Variants in KATNAL1 observed in about 807,000 individuals in gnomAD.
KATNAL1 encodes katanin p60 ATPase-containing subunit A-like 1.
KATNAL1 carries 32 observed loss-of-function variants against 55.2 expected under a neutral mutation model. The ratio of observed to expected loss-of-function variants is 0.58; its 90% CI spans 0.44 to 0.78. The LOEUF is 0.78. Ranked by LOEUF, KATNAL1 falls within the 30% of genes least tolerant of loss-of-function variation. KATNAL1 has a pLI of 0.00. For synonymous variants in KATNAL1, 193 were observed against 193.6 expected (o/e 1.00, Z 0.02); for missense variants, 466 against 600.9 (o/e 0.78, Z 2.35).
chr13:30,210,060 G>A (rs1000992027), intron 10 of KATNAL1, among the ~76,000 whole-genome samples: 1 of 152,084 alleles, frequency 6.6e-6, no homozygotes, highest in Non-Finnish European at 1.5e-5. Context: ...GGGATTAGAG[G>A]CGTAAGCCAC....
intron 6 of KATNAL1, among the ~76,000 whole-genome samples, chr13:30,238,832 G>C (rs555404461): frequency 1.3e-5 from 2 of 152,314 alleles, no homozygotes; most frequent in Non-Finnish European, 2.9e-5. Flanking sequence ...ATAAGTGCTT[G>C]ACGGATAAAG....
At chr13:30,227,578 T>G in intron 8 of KATNAL1, 32 bp from the exon 9 acceptor site, 1 of 1,587,700 alleles carries the variant, frequency 6.3e-7, no homozygotes, top group Non-Finnish European at 8.6e-7. Flanking sequence ...AAGATAGTGT[T>G]TTTCTTACAA....
intron 1 of KATNAL1, 86 bp from the exon 2 acceptor site, chr13:30,283,877 C>CTTTTT: frequency 1.4e-6 from 1 of 695,614 alleles, no homozygotes; most frequent in Non-Finnish European, 2.2e-6. Flanking sequence ...TTTAAAACTA[C>CTTTTT]TTTTTTTTTT....
chr13:30,299,470 GA>G (rs150417468), intron 1 of KATNAL1, among the ~76,000 whole-genome samples: 2,948 of 151,764 alleles, frequency 0.019, 95 homozygotes, highest in African/African-American at 0.067. Context: ...TTTTTCCTCT[GA>G]AAAAAAGAAA....
At chr13:30,209,307 G>A (rs912039252) in intron 10 of KATNAL1, among the ~76,000 whole-genome samples, 3 of 152,304 alleles carry the variant, frequency 2.0e-5, no homozygotes, top group South Asian at 4.1e-4. Flanking sequence ...TGAAGGTCTG[G>A]AAGAAAAGGA....
chr13:30,291,463 C>T lies in KATNAL1; in HGVS notation c.-14-7672G>A, dbSNP rs530288306. Reference sequence around the variant, plus strand: ...GTGTATGTGTTTATGAATAAAAACACTCAATATGCGTAAGATGTCAAATTA... The same window carrying T: ...GTGTATGTGTTTATGAATAAAAACATTCAATATGCGTAAGATGTCAAATTA... On this transcript the variant is annotated intron_variant, in intron 1 of 10. Transcript: ENST00000380615. Among the ~76,000 whole-genome samples, 10 of 152,248 alleles carry T rather than the reference C, an allele frequency of 6.6e-5. No homozygotes were observed. In the South Asian group the frequency reaches 1.9e-3, roughly 28 times the overall value.
intron 4 of KATNAL1, among the ~76,000 whole-genome samples, chr13:30,248,538 G>A (rs574356701): frequency 1.3e-5 from 2 of 152,304 alleles, no homozygotes; most frequent in East Asian, 3.9e-4. Context: ...ATGAACATAT[G>A]AAAAGGTTTT....
intron 1 of KATNAL1, among the ~76,000 whole-genome samples, chr13:30,297,768 G>A (rs1257105810): frequency 1.3e-5 from 2 of 152,158 alleles, no homozygotes; most frequent in Non-Finnish European, 2.9e-5. Flanking sequence ...TGCAGGAACA[G>A]AAAACCAAGT....
At chr13:30,248,680 T>C (rs6490448) in intron 4 of KATNAL1, among the ~76,000 whole-genome samples, 1,542 of 152,330 alleles carry the variant, frequency 0.01, 24 homozygotes, top group African/African-American at 0.034. Flanking sequence ...TTCCCAGCAC[T>C]TTGGGAGGCC....
At chr13:30,258,526 C>T (rs1017567574) in intron 3 of KATNAL1, among the ~76,000 whole-genome samples, 66 of 152,128 alleles carry the variant, frequency 4.3e-4, no homozygotes, top group Non-Finnish European at 1.5e-5. Flanking sequence ...TTTTACCTCT[C>T]TTAATGGTAT....
At chr13:30,232,487 AT>A (rs1265766004) in intron 6 of KATNAL1, among the ~76,000 whole-genome samples, 1 of 152,034 alleles carries the variant, frequency 6.6e-6, no homozygotes, top group South Asian at 2.1e-4. Flanking sequence ...TTACAAAAAT[AT>A]TTTTTTGCTT....
rs543780924 is a variant in KATNAL1, at chr13:30,304,532, T to G, written c.-15+2799A>C. The stretch of plus-strand genomic sequence containing the variant: ...ATCTGCCCGCCTCAGCCTTCCAAAG[T>G]GCTGGGATTACAGGCGCGAGCCACT... On this transcript the variant is annotated intron_variant, in intron 1 of 10. Transcript: ENST00000380615. Among the ~76,000 whole-genome samples the G allele has an allele frequency of 3.9e-5, 6 of 152,290 alleles. No homozygotes were observed. In the South Asian group the frequency reaches 1.2e-3, roughly 32 times the overall value.
rs375800636 is a variant in KATNAL1, at chr13:30,307,323, T to C, written c.-15+8A>G. On this transcript the variant is annotated splice_region_variant and intron_variant, in intron 1 of 10. Transcript: ENST00000380615. ...CTCGCCCTCGCCCCTTTCTCTCGGATTCATTACCCAGAAGGCGCAGGTCCG... is the reference window on the plus strand; with the variant it reads ...CTCGCCCTCGCCCCTTTCTCTCGGACTCATTACCCAGAAGGCGCAGGTCCG... The C allele has an allele frequency of 5.7e-4, 88 of 153,166 alleles. No individual in the cohort carries two copies. In the East Asian group the frequency reaches 0.015, roughly 26 times the overall value. The allele number at this position is 153,166 out of a possible 1,614,324, so 9.5% of individuals were successfully genotyped here.
intron 8 of KATNAL1, among the ~76,000 whole-genome samples, chr13:30,229,920 T>C (rs1875914963): frequency 6.7e-6 from 1 of 149,694 alleles, no homozygotes; most frequent in Non-Finnish European, 1.5e-5. Flanking sequence ...AAGTATGTTT[T>C]CCAAAATATT....
At chr13:30,259,514 C>T (rs1879077032) in intron 3 of KATNAL1, among the ~76,000 whole-genome samples, 2 of 152,134 alleles carry the variant, frequency 1.3e-5, no homozygotes, top group African/African-American at 2.4e-5. Context: ...AGTGGGTGTG[C>T]GCACCGTGCA....
At chr13:30,241,279 T>C (rs1877252806) in intron 4 of KATNAL1, among the ~76,000 whole-genome samples, 193 bp from the exon 5 acceptor site, 1 of 152,200 alleles carries the variant, frequency 6.6e-6, no homozygotes, top group Admixed American at 6.5e-5. Flanking sequence ...TCAACTTTAT[T>C]AAAAACTTCA....
chr13:30,298,057 T>C (rs1882631840), intron 1 of KATNAL1, among the ~76,000 whole-genome samples: 1 of 152,246 alleles, frequency 6.6e-6, no homozygotes, highest in South Asian at 2.1e-4. Flanking sequence ...TTGAGACATG[T>C]ACATTTTTTA....
intron 1 of KATNAL1, among the ~76,000 whole-genome samples, chr13:30,286,156 G>A (rs1021960761): frequency 6.6e-6 from 1 of 152,216 alleles, no homozygotes; most frequent in Non-Finnish European, 1.5e-5. Flanking sequence ...ATTTTCTGGG[G>A]AGAAATTCAA....
chr13:30,247,387 C>T (rs1188839941), intron 4 of KATNAL1, among the ~76,000 whole-genome samples: 2 of 152,144 alleles, frequency 1.3e-5, no homozygotes, highest in Non-Finnish European at 2.9e-5. Flanking sequence ...ATTATGAATC[C>T]ATATCATTCT....
Sources: allele counts gnomAD v4.1 joint callset (sites outside exome capture counted in the v4.1 genomes callset), GRCh38; gene constraint gnomAD v4.1.1; transcripts MANE v1.5; gene names NCBI Gene and HGNC (gene_info 2026-07-23, HGNC 2026-07-21).